Variants in PPP2R2A observed in about 807,000 individuals in gnomAD.
PPP2R2A encodes protein phosphatase 2 regulatory subunit Balpha.
A neutral mutation model predicts 53.2 loss-of-function variants in PPP2R2A; 9 were observed. The observed-to-expected ratio is 0.17, with a 90% CI of 0.10 to 0.30. The LOEUF is 0.30. PPP2R2A is among the 10% of genes least tolerant of loss of function. The pLI, the probability that PPP2R2A is intolerant of heterozygous loss-of-function variation, is 1.00. For synonymous variants in PPP2R2A, 169 were observed against 174.2 expected, an observed-to-expected ratio of 0.97 and a Z score of 0.23; for missense variants, 235 against 534.6, an observed-to-expected ratio of 0.44 and a Z score of 5.53.
chr8:26,341,959 G>T (rs963707264), intron 3 of PPP2R2A, among the ~76,000 whole-genome samples: 4 of 152,120 alleles, frequency 2.6e-5, no homozygotes, highest in Non-Finnish European at 5.9e-5. Context: ...GCGGGTATCT[G>T]TGTCCTCTTG....
chr8:26,299,546 A>G (rs1362205122), intron 2 of PPP2R2A, among the ~76,000 whole-genome samples: 1 of 152,120 alleles, frequency 6.6e-6, no homozygotes, highest in Non-Finnish European at 1.5e-5. Context: ...CTGGGTCTTG[A>G]AAAAATATTT....
At chr8:26,328,417 T>C (rs1803202390) in intron 2 of PPP2R2A, among the ~76,000 whole-genome samples, 1 of 152,234 alleles carries the variant, frequency 6.6e-6, no homozygotes, top group South Asian at 2.1e-4. Flanking sequence ...ATACCTGCAC[T>C]AAGTATTGCC....
chr8:26,346,861 CT>C (rs1804246510), intron 3 of PPP2R2A, among the ~76,000 whole-genome samples: 1 of 152,214 alleles, frequency 6.6e-6, no homozygotes, highest in African/African-American at 2.4e-5. Flanking sequence ...ACATTGAAGA[CT>C]ATCTGATCCG....
chr8:26,314,704 G>C (rs1220518795), intron 2 of PPP2R2A, among the ~76,000 whole-genome samples: 1 of 152,100 alleles, frequency 6.6e-6, no homozygotes, highest in Non-Finnish European at 1.5e-5. Flanking sequence ...TCTGTTTACT[G>C]ATTTTTCCTT....
intron 8 of PPP2R2A, 51 bp from the exon 9 acceptor site, chr8:26,366,264 G>A: frequency 6.9e-7 from 1 of 1,445,128 alleles, no homozygotes; most frequent in Non-Finnish European, 9.6e-7. Context: ...ATATGGACTT[G>A]TTAAATCATT....
chr8:26,307,581 A>G (rs62494202), intron 2 of PPP2R2A, among the ~76,000 whole-genome samples: 2,343 of 152,342 alleles, frequency 0.015, 23 homozygotes, highest in Middle Eastern at 0.048. Context: ...TAATTTGTAT[A>G]CTGCTCAGGT....
chr8:26,350,617 G>A (rs757415198), intron 3 of PPP2R2A: 9 of 151,722 alleles, frequency 5.9e-5, no homozygotes, highest in Non-Finnish European at 1.0e-4. Context: ...TCACTGTGTT[G>A]CTGATCTTGA....
chr8:26,305,103 T>A (rs1801956761), intron 2 of PPP2R2A, among the ~76,000 whole-genome samples: 2 of 152,194 alleles, frequency 1.3e-5, no homozygotes. Context: ...TCTTGGCAGC[T>A]ACCATTCTAC....
intron 4 of PPP2R2A, among the ~76,000 whole-genome samples, chr8:26,357,848 G>A (rs762600240): frequency 7.2e-5 from 11 of 151,998 alleles, no homozygotes; most frequent in Non-Finnish European, 1.3e-4. Context: ...CAGTGTGGTC[G>A]TTTTGGAAGG....
At chr8:26,301,218 A>G (rs1311238993) in intron 2 of PPP2R2A, among the ~76,000 whole-genome samples, 1 of 152,146 alleles carries the variant, frequency 6.6e-6, no homozygotes, top group Admixed American at 6.5e-5. Context: ...CCTGTTTATA[A>G]CAAGGTTTAT....
At chr8:26,358,179 G>A (rs1472344634) in intron 4 of PPP2R2A, among the ~76,000 whole-genome samples, 1 of 144,340 alleles carries the variant, frequency 6.9e-6, no homozygotes, top group Non-Finnish European at 1.6e-5. Context: ...ACACTATTAG[G>A]CACCACAAAC....
At chr8:26,305,738 A>T (rs916525707) in intron 2 of PPP2R2A, among the ~76,000 whole-genome samples, 1 of 152,212 alleles carries the variant, frequency 6.6e-6, no homozygotes, top group Non-Finnish European at 1.5e-5. Flanking sequence ...CTCTAATGCC[A>T]TGTAAAAATT....
At chr8:26,340,509 G>A (rs1803887715) in intron 3 of PPP2R2A, among the ~76,000 whole-genome samples, 3 of 151,992 alleles carry the variant, frequency 2.0e-5, no homozygotes, top group South Asian at 2.1e-4. Flanking sequence ...AGAAAAACTC[G>A]TAAAAATTGA....
In PPP2R2A at chr8:26,333,291, G is replaced by A. The variant is rs1404655897; in HGVS notation, c.83-5599G>A. 2.6e-5 allele frequency among the ~76,000 whole-genome samples: 4 copies of A among 152,310 alleles called. No homozygotes were observed. In the East Asian group the frequency reaches 5.8e-4, roughly 22 times the overall value. ...TATTTACAAAAACAGGTTGTGGGCC[G>A]TAGTTTTCCAACCTGTGACTAGAGG... is the stretch of plus-strand genomic sequence containing the variant. On this transcript the variant is annotated intron_variant, in intron 2 of 9. Transcript: ENST00000380737.
chr8:26,331,731 G>T (rs982923269), intron 2 of PPP2R2A, among the ~76,000 whole-genome samples: 1 of 152,172 alleles, frequency 6.6e-6, no homozygotes, highest in Non-Finnish European at 1.5e-5. Context: ...TTACACAAAT[G>T]CAGCCCTTTG....
At chr8:26,298,706 T>G (rs1436572282) in intron 2 of PPP2R2A, 1 of 152,362 alleles carries the variant, frequency 6.6e-6, no homozygotes, top group African/African-American at 2.4e-5. Flanking sequence ...AATAGTATAA[T>G]GAACCCCTGT....
At chr8:26,295,060 T>A (rs576631650) in intron 2 of PPP2R2A, among the ~76,000 whole-genome samples, 1 of 152,354 alleles carries the variant, frequency 6.6e-6, no homozygotes, top group South Asian at 2.1e-4. Context: ...CTACATTACC[T>A]GTTGAATAGT....
At position 26,371,325 on chromosome 8, in the gene PPP2R2A, T is replaced by A. The variant is rs1805657000; in HGVS notation, c.*912T>A. 1 of 151,644 alleles carries A rather than the reference T, an allele frequency of 6.6e-6. No homozygotes were observed. Among genetic ancestry groups the A allele is most frequent in the Non-Finnish European group, 1.5e-5 (1 of 67,966 alleles). The allele number at this position is 151,644 out of a possible 1,614,324, so 9.4% of individuals were successfully genotyped here. On this transcript the variant is annotated 3_prime_UTR_variant, in exon 10 of 10. Coordinates refer to ENST00000380737, the MANE Select transcript of PPP2R2A (RefSeq NM_002717.4). ...AACATATTTTGAATATAGGTTTTAT[T>A]AAGGATTTCACAATCTATAAATGCT...
chr8:26,294,458 A>G (rs1056206992), intron 2 of PPP2R2A, among the ~76,000 whole-genome samples: 2 of 152,182 alleles, frequency 1.3e-5, no homozygotes, highest in African/African-American at 4.8e-5. Context: ...AAGGTTTTGC[A>G]TTCATTTGAG....
Sources: gnomAD v4.1 joint callset for allele counts (sites outside exome capture counted in the v4.1 genomes callset) on GRCh38, gnomAD v4.1.1 for gene constraint, MANE v1.5 for transcripts, NCBI Gene and HGNC (gene_info 2026-07-23, HGNC 2026-07-21) for gene names.